Variants in NUP160 observed in about 807,000 individuals in gnomAD.
NUP160 encodes nucleoporin 160.
Under a neutral mutation model 196.9 loss-of-function variants are expected in NUP160, and 94 were observed. The observed-to-expected ratio is 0.48, with a 90% CI of 0.40 to 0.57. The LOEUF (loss-of-function observed/expected upper bound fraction) is 0.57. Ranked by LOEUF, NUP160 falls within the 20% of genes least tolerant of loss-of-function variation. NUP160 has a pLI of 0.00. For missense variants in NUP160, 1,638 were observed against 1,748.3 expected, an observed-to-expected ratio of 0.94 and a Z score of 1.13; for synonymous variants, 605 against 619.7, an observed-to-expected ratio of 0.98 and a Z score of 0.35.
At chr11:47,811,144 G>T (rs1197899113) in intron 17 of NUP160, among the ~76,000 whole-genome samples, 2 of 152,114 alleles carry the variant, frequency 1.3e-5, no homozygotes, top group East Asian at 3.9e-4. Context: ...AGAAAGCACA[G>T]AATAGAGTTA....
chr11:47,843,539 T>C (rs1042112644), intron 2 of NUP160, among the ~76,000 whole-genome samples: 1 of 152,174 alleles, frequency 6.6e-6, no homozygotes, highest in Admixed American at 6.5e-5. Context: ...ACTGCTCTAC[T>C]CAAGTGGCTC....
chr11:47,847,065 C>G (rs1215754530), intron 2 of NUP160, among the ~76,000 whole-genome samples: 1 of 152,074 alleles, frequency 6.6e-6, no homozygotes, highest in Non-Finnish European at 1.5e-5. Flanking sequence ...CCTCATGGTC[C>G]GAGTCCTGCC....
At chr11:47,840,582 G>T (rs1414285705) in exon 3 of NUP160, 2 of 1,585,618 alleles carry the variant, frequency 1.3e-6, no homozygotes, top group Admixed American at 1.8e-5. Flanking sequence ...TATCTCCAGA[G>T]GTCTTCCTGT....
chr11:47,833,372 T>C (rs909165528), intron 7 of NUP160, among the ~76,000 whole-genome samples: 2 of 151,918 alleles, frequency 1.3e-5, no homozygotes, highest in African/African-American at 4.8e-5. Context: ...GGAGAATTGC[T>C]TGAACCCAGG....
At chr11:47,817,773 A>G (rs914066420) in intron 11 of NUP160, among the ~76,000 whole-genome samples, 1 of 152,244 alleles carries the variant, frequency 6.6e-6, no homozygotes, top group African/African-American at 2.4e-5. Context: ...TATACAGTGC[A>G]GTATGGTATC....
intron 27 of NUP160, among the ~76,000 whole-genome samples, chr11:47,793,753 T>TGAGACGGAG (rs2097669308): frequency 1.5e-5 from 1 of 65,470 alleles, no homozygotes; most frequent in African/African-American, 7.5e-5. Flanking sequence ...TTTTTTTTTT[T>TGAGACGGAG]TTTTGAGACG....
At chr11:47,841,563 G>A in intron 2 of NUP160, 1 of 430,932 alleles carries the variant, frequency 2.3e-6, no homozygotes, top group South Asian at 2.2e-5. Context: ...CAGCAAACTG[G>A]GATGGATCTA....
intron 17 of NUP160, among the ~76,000 whole-genome samples, chr11:47,810,710 C>T (rs1021004048): frequency 1.3e-5 from 2 of 151,904 alleles, no homozygotes; most frequent in Non-Finnish European, 2.9e-5. Flanking sequence ...CCAGACCCCG[C>T]TAACTTTTTT....
chr11:47,820,592 G>A (rs906340793), intron 9 of NUP160, among the ~76,000 whole-genome samples: 28 of 151,674 alleles, frequency 1.8e-4, no homozygotes, highest in East Asian at 3.9e-4. Flanking sequence ...TCACTTTGTC[G>A]CCTAGGCTGG....
At chr11:47,791,402 C>T (rs1482993320) in intron 29 of NUP160, among the ~76,000 whole-genome samples, 3 of 152,126 alleles carry the variant, frequency 2.0e-5, no homozygotes, top group Non-Finnish European at 4.4e-5. Context: ...TGCAGTGGCA[C>T]GATGTGTGCT....
chr11:47,848,418 C>T, exon 1 of NUP160: 1 of 1,564,038 alleles, frequency 6.4e-7, no homozygotes, highest in Non-Finnish European at 8.6e-7. Flanking sequence ...ACAGGTGAAG[C>T]ATTCCGGGAG....
chr11:47,787,032 C>T (rs2097664893), intron 31 of NUP160: 1 of 151,856 alleles, frequency 6.6e-6, no homozygotes, highest in African/African-American at 2.5e-5. Flanking sequence ...TCATGATCCG[C>T]CCGCCTAGGT....
chr11:47,790,903 T>C (rs896373816), intron 29 of NUP160, among the ~76,000 whole-genome samples: 1 of 152,210 alleles, frequency 6.6e-6, no homozygotes, highest in Non-Finnish European at 1.5e-5. Context: ...CTTTCTTAAA[T>C]TGTCAAACCA....
intron 1 of NUP160, 112 bp downstream of exon 1, chr11:47,848,107 G>T: frequency 1.5e-6 from 2 of 1,349,996 alleles, no homozygotes; most frequent in Non-Finnish European, 2.1e-6. Flanking sequence ...TGATCCCGGG[G>T]CTAGAGGCAT....
In NUP160 at chr11:47,831,894, CTTTTTTTTTTTTTTT is replaced by C. The variant is rs554204043; in HGVS notation, c.1101+3742_1101+3756del. Among the ~76,000 whole-genome samples the C allele has an allele frequency of 5.4e-4, 38 of 69,990 alleles. 1 individual carries two copies. Among genetic ancestry groups the C allele is most frequent in the African/African-American group, 2.2e-3 (35 of 16,202 alleles). The allele number at this position is 69,990 out of a possible 152,430, so 45.9% of individuals were successfully genotyped here. A position where few individuals can be genotyped will look rare whatever the true frequency, so the allele number is the denominator to read the frequency against. ...GAGACAGATCTGATCTAATAAATTC[CTTTTTTTTTTTTTTT>C]TTTTTTTTTTTGAGACAGAATCTCG... On this transcript the variant is annotated intron_variant, in intron 7 of 35. Transcript: ENST00000378460.
intron 35 of NUP160, among the ~76,000 whole-genome samples, chr11:47,779,756 C>G (rs1441503760): frequency 6.6e-6 from 1 of 152,146 alleles, no homozygotes; most frequent in African/African-American, 2.4e-5. Context: ...GGAATGGAGT[C>G]TCACTCTGCT....
At position 47,830,797 on chromosome 11, in the gene NUP160, A is replaced by G. The variant is rs549247408; in HGVS notation, c.1101+4854T>C. Among the ~76,000 whole-genome samples the G allele has an allele frequency of 2.6e-5, 4 of 152,242 alleles. No individual in the cohort carries two copies. In the South Asian group the frequency reaches 8.3e-4, roughly 32 times the overall value. On this transcript the variant is annotated intron_variant, in intron 7 of 35. Coordinates refer to ENST00000378460, the Ensembl canonical transcript of NUP160. Reference sequence around the variant, plus strand: ...TGGGTGATGAGAAAATCTGTACAACAAAGCCCCATGACATGAGTTCACCTA... The same window carrying G: ...TGGGTGATGAGAAAATCTGTACAACGAAGCCCCATGACATGAGTTCACCTA...
At chr11:47,797,526 A>G (rs2097671546) in intron 27 of NUP160, among the ~76,000 whole-genome samples, 2 of 152,216 alleles carry the variant, frequency 1.3e-5, no homozygotes, top group Non-Finnish European at 2.9e-5. Flanking sequence ...GGTGTAAGCC[A>G]CTGCGCCCAG....
intron 21 of NUP160, chr11:47,804,348 T>C (rs1193246573): frequency 2.0e-6 from 1 of 504,766 alleles, no homozygotes; most frequent in Non-Finnish European, 3.5e-6. Context: ...CCAACCCTAT[T>C]TAGCTTCGTA....
Sources: allele counts gnomAD v4.1 joint callset (sites outside exome capture counted in the v4.1 genomes callset), GRCh38; gene constraint gnomAD v4.1.1; transcripts MANE v1.5; gene names NCBI Gene and HGNC (gene_info 2026-07-23, HGNC 2026-07-21).